KIF16B: variants seen among roughly 807,000 people sequenced by gnomAD.
KIF16B encodes kinesin-like protein KIF16B.
A neutral mutation model predicts 156.3 loss-of-function variants in KIF16B; 98 were observed. That is an observed-to-expected ratio of 0.63 (90% CI 0.53 to 0.74). The LOEUF is 0.74. Among genes scored for constraint, KIF16B ranks in the 30% least tolerant of loss-of-function variants. The probability of loss-of-function intolerance (pLI) is 0.00; values close to 1 mark genes in which losing one functional copy is unlikely to be tolerated. For synonymous variants in KIF16B, 564 were observed against 583.7 expected (o/e 0.97, Z 0.49); for missense variants, 1,421 against 1,606.5 (o/e 0.88, Z 1.97).
intron 1 of KIF16B, among the ~76,000 whole-genome samples, chr20:16,549,197 T>A (rs1440880331): frequency 2.9e-4 from 18 of 61,560 alleles, no homozygotes; most frequent in African/African-American, 1.2e-3. Context: ...CCCCTCCCCC[T>A]ACCCCACCAC....
chr20:16,347,778 G>A (rs945291489), intron 23 of KIF16B, among the ~76,000 whole-genome samples: 1 of 152,160 alleles, frequency 6.6e-6, no homozygotes, highest in African/African-American at 2.4e-5. Context: ...ATTTGTCTCG[G>A]CCGTGCTAAT....
At chr20:16,456,930 A>G (rs1407414206) in intron 12 of KIF16B, among the ~76,000 whole-genome samples, 2 of 152,170 alleles carry the variant, frequency 1.3e-5, no homozygotes, top group Admixed American at 6.5e-5. Flanking sequence ...ACTATTTCTA[A>G]AGCCTCAGGA....
chr20:16,319,979 A>G (rs1449363136), intron 24 of KIF16B, among the ~76,000 whole-genome samples: 1 of 152,198 alleles, frequency 6.6e-6, no homozygotes, highest in African/African-American at 2.4e-5. Context: ...CACTCAACGC[A>G]GGCTCATGAA....
intron 11 of KIF16B, 40 bp downstream of exon 11, chr20:16,497,573 A>G (rs1363868247): frequency 2.7e-6 from 4 of 1,493,718 alleles, no homozygotes; most frequent in Non-Finnish European, 3.7e-6. Context: ...AATAATAGTA[A>G]AAGTTATGAT....
intron 23 of KIF16B, among the ~76,000 whole-genome samples, chr20:16,344,949 C>G (rs1013239022): frequency 2.6e-5 from 4 of 152,138 alleles, no homozygotes; most frequent in Non-Finnish European, 5.9e-5. Context: ...TTTCCTGATT[C>G]ACTTCTACCT....
chr20:16,434,873 T>C (rs6043944), intron 12 of KIF16B, among the ~76,000 whole-genome samples: 117,879 of 152,014 alleles, frequency 0.78, 46,923 homozygotes, highest in East Asian at 1. Context: ...TCTGCAACCC[T>C]GACTACAAAC....
chr20:16,486,106 T>A (rs1217391406), intron 12 of KIF16B, among the ~76,000 whole-genome samples: 1 of 152,150 alleles, frequency 6.6e-6, no homozygotes, highest in Non-Finnish European at 1.5e-5. Flanking sequence ...CGAGACTAGA[T>A]GAGACTATGG....
chr20:16,457,520 C>T (rs1276937540), intron 12 of KIF16B, among the ~76,000 whole-genome samples: 6 of 152,164 alleles, frequency 3.9e-5, no homozygotes, highest in African/African-American at 9.7e-5. Flanking sequence ...GGGTGTGAGG[C>T]GGGTCCTGAA....
chr20:16,278,028 C>T (rs2063089932), intron 25 of KIF16B, among the ~76,000 whole-genome samples: 1 of 152,106 alleles, frequency 6.6e-6, no homozygotes, highest in Non-Finnish European at 1.5e-5. Flanking sequence ...ATGGCCCTGA[C>T]TTGGATAGTT....
rs1370678048 is a variant in KIF16B at position 16,382,122 on chromosome 20, G to A, written c.1785-375C>T. On this transcript the variant is annotated intron_variant, in intron 17 of 25. Coordinates refer to ENST00000354981, the MANE Select transcript of KIF16B (RefSeq NM_024704.5). ...CCTTAGACAGATGGGTCCTTTTATA[G>A]GGAAAAGACTGCCAGGGAGGTGGAG... The A allele has an allele frequency of 3.7e-6, 5 of 1,353,896 alleles. No homozygotes were observed. In the South Asian group the frequency reaches 5.9e-5, roughly 16 times the overall value. The allele number at this position is 1,353,896 out of a possible 1,614,324, so 83.9% of individuals were successfully genotyped here.
At chr20:16,337,208 G>A (rs146966395) in intron 23 of KIF16B, among the ~76,000 whole-genome samples, 58 of 152,258 alleles carry the variant, frequency 3.8e-4, no homozygotes, top group African/African-American at 1.4e-3. Context: ...TCCTTTATGG[G>A]AACTTAACTT....
At chr20:16,372,847 G>C (rs908952460) in intron 20 of KIF16B, among the ~76,000 whole-genome samples, 15 of 152,086 alleles carry the variant, frequency 9.9e-5, no homozygotes, top group Non-Finnish European at 1.9e-4. Flanking sequence ...ACAGGCACCC[G>C]CCACCACACC....
At chr20:16,496,083 A>G (rs963870158) in intron 11 of KIF16B, among the ~76,000 whole-genome samples, 7 of 151,998 alleles carry the variant, frequency 4.6e-5, no homozygotes, top group African/African-American at 1.7e-4. Context: ...AGTGATACCA[A>G]CCCTACAGAC....
In KIF16B at chr20:16,273,043, G is replaced by T; in HGVS notation, c.*210C>A. 1.8e-6 allele frequency: 1 copy of T among 555,708 alleles called. No homozygotes were observed. Among genetic ancestry groups the T allele is most frequent in the Non-Finnish European group, 3.2e-6 (1 of 310,312 alleles). 34.4% of individuals were successfully genotyped at this position (555,708 alleles called of 1,614,324 possible). A position where few individuals can be genotyped will look rare whatever the true frequency, so the allele number is the denominator to read the frequency against. ...CAACCGCAATGGAACGGTAACGGCT[G>T]CCTGTCAGGGCCACATCAGCAGGCA... On this transcript the variant is annotated 3_prime_UTR_variant, in exon 26 of 26. Transcript: ENST00000354981.
intron 25 of KIF16B, among the ~76,000 whole-genome samples, chr20:16,290,965 T>C (rs1419901780): frequency 1.3e-5 from 2 of 152,072 alleles, no homozygotes; most frequent in African/African-American, 4.8e-5. Context: ...ACCTACCAAA[T>C]TAAGAAACTA....
intron 12 of KIF16B, among the ~76,000 whole-genome samples, chr20:16,442,851 G>A (rs1190124210): frequency 6.6e-6 from 1 of 152,152 alleles, no homozygotes; most frequent in Non-Finnish European, 1.5e-5. Flanking sequence ...TGAAGAATGA[G>A]AGGGAGGAAG....
At chr20:16,561,761 G>C (rs1280639944) in intron 1 of KIF16B, among the ~76,000 whole-genome samples, 4 of 152,166 alleles carry the variant, frequency 2.6e-5, no homozygotes, top group African/African-American at 9.7e-5. Flanking sequence ...TGGTATTATT[G>C]TCAAAAATTG....
intron 22 of KIF16B, chr20:16,368,506 A>T: frequency 1.0e-6 from 1 of 986,226 alleles, no homozygotes; most frequent in Non-Finnish European, 1.2e-6. Context: ...CAGATTCCCC[A>T]CAAGCCTGGC....
chr20:16,450,222 T>C (rs921990197), intron 12 of KIF16B, among the ~76,000 whole-genome samples: 15 of 152,134 alleles, frequency 9.9e-5, no homozygotes, highest in African/African-American at 3.4e-4. Context: ...AGAAAATATA[T>C]AGCAAGCTAG....
Sources: allele counts gnomAD v4.1 joint callset (sites outside exome capture counted in the v4.1 genomes callset), GRCh38; gene constraint gnomAD v4.1.1; transcripts MANE v1.5; gene names NCBI Gene and HGNC (gene_info 2026-07-23, HGNC 2026-07-21).